TEF: variants seen among roughly 807,000 people sequenced by gnomAD.
The protein encoded by TEF is thyrotroph embryonic factor.
TEF carries 3 observed loss-of-function variants against 20.8 expected under a neutral mutation model. The observed-to-expected ratio is 0.14, with a 90% CI of 0.07 to 0.37. TEF has a LOEUF of 0.37. Ranked by LOEUF, TEF falls within the 10% of genes least tolerant of loss-of-function variation. TEF has a pLI of 1.00. For missense variants in TEF, 296 were observed against 397.9 expected, an observed-to-expected ratio of 0.74 and a Z score of 2.18; for synonymous variants, 180 against 171.1, an observed-to-expected ratio of 1.05 and a Z score of -0.41.
rs188489608 is a variant in TEF, at chr22:41,396,855, T to G, written c.*895T>G. ...ATCATAGATTTAAAAGGAAAACCCC[T>G]CTTATCTAGGAGGCTTTAACTTCCT... On this transcript the variant is annotated 3_prime_UTR_variant, in exon 4 of 4. Coordinates refer to ENST00000266304, the MANE Select transcript of TEF (RefSeq NM_003216.4). 8.8e-5 allele frequency: 35 copies of G among 398,190 alleles called. No homozygotes were observed. In the Admixed American group the frequency reaches 1.1e-3, roughly 12 times the overall value. 24.7% of individuals were successfully genotyped at this position (398,190 alleles called of 1,614,324 possible).
chr22:41,393,968 G>T, intron 2 of TEF, 128 bp from the exon 3 acceptor site: 1 of 710,410 alleles, frequency 1.4e-6, no homozygotes, highest in African/African-American at 1.8e-5. Context: ...GGTACTGTTG[G>T]GGTTTTCTTC....
intron 1 of TEF, among the ~76,000 whole-genome samples, chr22:41,376,872 T>C (rs2036948718): frequency 6.6e-6 from 1 of 152,130 alleles, no homozygotes. Flanking sequence ...ATAACTGAGG[T>C]TTAGACAGGA....
intron 1 of TEF, among the ~76,000 whole-genome samples, chr22:41,371,962 G>A (rs1303449100): frequency 6.9e-6 from 1 of 145,108 alleles, no homozygotes; most frequent in East Asian, 2.1e-4. Flanking sequence ...TGGACTCGGT[G>A]CAGCCTGGGC....
upstream of TEF, among the ~76,000 whole-genome samples, chr22:41,379,636 G>A (rs1459947254): frequency 2.0e-5 from 3 of 152,272 alleles, no homozygotes; most frequent in East Asian, 1.9e-4. Flanking sequence ...ATGCCGAGGC[G>A]GGTGGATCAC....
chr22:41,383,023 G>A (rs951130077), intron 1 of TEF: 4 of 471,024 alleles, frequency 8.5e-6, no homozygotes, highest in East Asian at 6.9e-5. Context: ...GAGATGGGGT[G>A]CAGGGAGCAG....
At chr22:41,371,212 C>T (rs942158142) in intron 1 of TEF, among the ~76,000 whole-genome samples, 1 of 152,250 alleles carries the variant, frequency 6.6e-6, no homozygotes, top group African/African-American at 2.4e-5. Flanking sequence ...CTTCCCTCTC[C>T]CATGGGGCCC....
rs2037225258 is a variant in TEF, at chr22:41,396,118, T to C, written c.*158T>C. The C allele has an allele frequency of 5.1e-5, 39 of 757,764 alleles. 1 individual carries two copies. The South Asian group carries it at 6.7e-4, about 13-fold the overall frequency. 46.9% of individuals were successfully genotyped at this position (757,764 alleles called of 1,614,324 possible). A position where few individuals can be genotyped will look rare whatever the true frequency, so the allele number is the denominator to read the frequency against. Reference sequence around the variant, plus strand: ...GCCACGTCTCAGCTTCATTATACCATGGCCTGCGCACGTGGCGACGTCCCT... The same window carrying C: ...GCCACGTCTCAGCTTCATTATACCACGGCCTGCGCACGTGGCGACGTCCCT... On this transcript the variant is annotated 3_prime_UTR_variant, in exon 4 of 4. Coordinates refer to ENST00000266304, the MANE Select transcript of TEF (RefSeq NM_003216.4).
intron 1 of TEF, among the ~76,000 whole-genome samples, chr22:41,382,533 C>A (rs1018956748): frequency 6.6e-6 from 1 of 152,126 alleles, no homozygotes; most frequent in Non-Finnish European, 1.5e-5. Context: ...GTTTAAATTG[C>A]TGGTTCCTGC....
At chr22:41,388,414 G>A (rs2037125371) in intron 2 of TEF, among the ~76,000 whole-genome samples, 2 of 152,068 alleles carry the variant, frequency 1.3e-5, no homozygotes, top group African/African-American at 4.8e-5. Flanking sequence ...TAGAGATGGG[G>A]TTTTGCCATA....
At chr22:41,390,323 T>C (rs746361116) in intron 2 of TEF, among the ~76,000 whole-genome samples, 6 of 152,192 alleles carry the variant, frequency 3.9e-5, no homozygotes, top group South Asian at 2.1e-4. Flanking sequence ...AAAGTTGTTA[T>C]ATCCATTTGT....
chr22:41,378,895 T>C (rs938167512), upstream of TEF, among the ~76,000 whole-genome samples: 1 of 152,246 alleles, frequency 6.6e-6, no homozygotes, highest in African/African-American at 2.4e-5. Context: ...AAATTTTCTG[T>C]ACACAATTAA....
At chr22:41,379,916 G>GA, upstream of TEF, among the ~76,000 whole-genome samples, 1 of 127,116 alleles carries the variant, frequency 7.9e-6, no homozygotes, top group Non-Finnish European at 1.6e-5. Context: ...AAGAAAAAAA[G>GA]AAAAGAAAAG....
At chr22:41,372,240 G>A (rs1396521148) in intron 1 of TEF, among the ~76,000 whole-genome samples, 4 of 152,048 alleles carry the variant, frequency 2.6e-5, no homozygotes, top group Non-Finnish European at 5.9e-5. Context: ...CACCCTAGGT[G>A]CCCAGAGCCT....
At chr22:41,372,533 T>C (rs1212245254) in intron 1 of TEF, among the ~76,000 whole-genome samples, 1 of 152,122 alleles carries the variant, frequency 6.6e-6, no homozygotes, top group South Asian at 2.1e-4. Context: ...GCCACACAGT[T>C]GTTGAAGGAT....
intron 1 of TEF, among the ~76,000 whole-genome samples, chr22:41,384,237 G>C (rs1191511127): frequency 6.6e-6 from 1 of 152,146 alleles, no homozygotes; most frequent in African/African-American, 2.4e-5. Context: ...CCCATCATGA[G>C]CTTGTCATGA....
chr22:41,386,843 A>C (rs915991808), intron 1 of TEF, among the ~76,000 whole-genome samples: 12 of 152,272 alleles, frequency 7.9e-5, no homozygotes, highest in African/African-American at 2.9e-4. Flanking sequence ...CAGGAGTTCG[A>C]GACCAGCCTG....
At chr22:41,384,635 A>C (rs1487199525) in intron 1 of TEF, among the ~76,000 whole-genome samples, 1 of 152,192 alleles carries the variant, frequency 6.6e-6, no homozygotes, top group Admixed American at 6.5e-5. Flanking sequence ...ATTTTCCCAT[A>C]GTCCACCGTC....
intron 1 of TEF, chr22:41,383,026 G>A (rs1331812926): frequency 2.1e-6 from 1 of 471,156 alleles, no homozygotes; most frequent in Non-Finnish European, 4.4e-6. Context: ...ATGGGGTGCA[G>A]GGAGCAGCAG....
chr22:41,380,637 T>G (rs922033660), upstream of TEF, among the ~76,000 whole-genome samples: 1 of 152,194 alleles, frequency 6.6e-6, no homozygotes, highest in African/African-American at 2.4e-5. Flanking sequence ...TTCCGGGAGT[T>G]AAGCGGGGAG....
Sources: allele counts gnomAD v4.1 joint callset (sites outside exome capture counted in the v4.1 genomes callset), GRCh38; gene constraint gnomAD v4.1.1; transcripts MANE v1.5; gene names NCBI Gene and HGNC (gene_info 2026-07-23, HGNC 2026-07-21).